The following BZW1 variants were observed in gnomAD, a reference collection of about 807,000 sequenced individuals.
The protein encoded by BZW1 is basic leucine zipper and W2 domains 1.
A neutral mutation model predicts 54.1 loss-of-function variants in BZW1; 3 were observed. The ratio of observed to expected loss-of-function variants is 0.06; its 90% CI spans 0.03 to 0.14. The LOEUF (loss-of-function observed/expected upper bound fraction) is 0.14. Among genes scored for constraint, BZW1 ranks in the 10% least tolerant of loss-of-function variants. The probability of loss-of-function intolerance (pLI) is 1.00; values close to 1 mark genes in which losing one functional copy is unlikely to be tolerated. For synonymous variants in BZW1, 152 were observed against 162.7 expected (o/e 0.93, Z 0.50); for missense variants, 206 against 491.7 (o/e 0.42, Z 5.50).
At chr2:200,818,154 A>C (rs2038361988) in intron 7 of BZW1, 69 bp from the exon 8 acceptor site, 1 of 1,511,858 alleles carries the variant, frequency 6.6e-7, no homozygotes, top group African/African-American at 1.4e-5. Context: ...CATTTTTAAG[A>C]CTGTGAAAAG....
chr2:200,814,314 G>A (rs1170649151), intron 2 of BZW1, among the ~76,000 whole-genome samples: 1 of 152,152 alleles, frequency 6.6e-6, no homozygotes, highest in Non-Finnish European at 1.5e-5. Flanking sequence ...GAGATGATTC[G>A]TGGCCTGGCT....
At position 200,817,984 on chromosome 2, in the gene BZW1, A is replaced by G; in HGVS notation, c.549A>G (p.Ala183=). 2.6e-6 allele frequency: 4 copies of G among 1,547,138 alleles called. No homozygotes were observed. The highest frequency in any genetic ancestry group is 2.6e-6 in the Non-Finnish European group (3 of 1,144,910). The change falls in exon 7 of 12, where the codon GCA becomes GCG. Residue 183 remains alanine (A), a synonymous_variant. Coordinates refer to ENST00000409600, the MANE Select transcript of BZW1 (RefSeq NM_001207067.2). ...NENLVKEGVS[A]AFAVKLFKSW... ...TATTTTCTTTTACAGGAGTTTCAGCAGCTTTTGCTGTGAAGCTCTTTAAAT... is the reference window on the plus strand; with the variant it reads ...TATTTTCTTTTACAGGAGTTTCAGCGGCTTTTGCTGTGAAGCTCTTTAAAT...
intron 9 of BZW1, 39 bp from the exon 10 acceptor site, chr2:200,819,943 G>A: frequency 6.9e-7 from 1 of 1,456,792 alleles, no homozygotes; most frequent in Non-Finnish European, 9.1e-7. Flanking sequence ...ATGGTTATTT[G>A]TAATGAATGA....
At chr2:200,819,333 G>C (rs1214735894) in intron 9 of BZW1, among the ~76,000 whole-genome samples, 1 of 152,082 alleles carries the variant, frequency 6.6e-6, no homozygotes, top group Non-Finnish European at 1.5e-5. Context: ...AGACTGCAGT[G>C]AGCTTATGAT....
chr2:200,813,315 C>T (rs988932477), intron 2 of BZW1, 34 bp downstream of exon 2: 9 of 1,555,378 alleles, frequency 5.8e-6, no homozygotes, highest in Middle Eastern at 1.8e-4. Flanking sequence ...TCTCTTCAAA[C>T]CTCCAGAACA....
intron 9 of BZW1, among the ~76,000 whole-genome samples, chr2:200,819,288 G>T (rs949628780): frequency 6.6e-6 from 1 of 152,168 alleles, no homozygotes; most frequent in Non-Finnish European, 1.5e-5. Context: ...TACTCAGGAG[G>T]CTGAGGCAGA....
chr2:200,817,643 T>C (rs916339215), intron 6 of BZW1, among the ~76,000 whole-genome samples: 2 of 19,622 alleles, frequency 1.0e-4, no homozygotes, highest in Non-Finnish European at 1.9e-4. Flanking sequence ...TTTTGAAGCT[T>C]TTTTTTTTTT....
Position 200,815,376 on chromosome 2 carries a change from G to A in BZW1, c.100G>A (p.Asp34Asn), listed in dbSNP as rs368021486. 1.9e-6 allele frequency: 3 copies of A among 1,613,730 alleles called. No individual in the cohort carries two copies. The highest frequency in any genetic ancestry group is 2.5e-6 in the Non-Finnish European group (3 of 1,179,832). Residue 34 changes from aspartate (D) to asparagine (N), a missense_variant, in exon 3 of 12, where the codon GAC becomes AAC. Around this residue, in one of 5 missense-constraint regions of BZW1, gnomAD observed 26 missense variants for 26.9 expected, o/e 0.97. Transcript: ENST00000409600. ...KERFDPTQFQ[D>N]CIIQGLTETG... ...GAGGTTTGACCCTACTCAGTTTCAAGACTGTATTATTCAAGGCTTAACTGA... is the reference window on the plus strand; with the variant it reads ...GAGGTTTGACCCTACTCAGTTTCAAAACTGTATTATTCAAGGCTTAACTGA...
intron 6 of BZW1, among the ~76,000 whole-genome samples, chr2:200,817,489 T>A (rs72927061): frequency 0.077 from 11,748 of 152,126 alleles, 553 homozygotes; most frequent in Middle Eastern, 0.13. Flanking sequence ...AAAAATAAAA[T>A]GAGAAATGCT....
intron 4 of BZW1, among the ~76,000 whole-genome samples, chr2:200,816,064 C>T (rs1004344885): frequency 2.0e-5 from 3 of 152,174 alleles, no homozygotes; most frequent in African/African-American, 7.2e-5. Context: ...TATCTGCATA[C>T]ATTTATTTTT....
chr2:200,823,494 T>C lies in BZW1; in HGVS notation c.*1316T>C, dbSNP rs1327813842. 1 of 151,970 alleles carries C rather than the reference T, an allele frequency of 6.6e-6. No individual in the cohort carries two copies. The highest frequency in any genetic ancestry group is 1.9e-4 in the East Asian group (1 of 5,132). The allele number at this position is 151,970 out of a possible 1,614,324, so 9.4% of individuals were successfully genotyped here. A position where few individuals can be genotyped will look rare whatever the true frequency, so the allele number is the denominator to read the frequency against. The stretch of plus-strand genomic sequence containing the variant: ...TAAAAGTGAACATTTTGAAGGTTTT[T>C]AACTGGTGAAACTAGCCTGGAATAA... On this transcript the variant is annotated 3_prime_UTR_variant, in exon 12 of 12. Coordinates refer to ENST00000409600, the MANE Select transcript of BZW1 (RefSeq NM_001207067.2).
chr2:200,819,017 C>T (rs2038403610), intron 9 of BZW1, 116 bp downstream of exon 9: 1 of 1,187,926 alleles, frequency 8.4e-7, no homozygotes, highest in Non-Finnish European at 1.2e-6. Flanking sequence ...TAGGGATGGC[C>T]CACCAGTAAA....
chr2:200,813,441 A>ACTG, intron 2 of BZW1, 160 bp downstream of exon 2: 1 of 616,146 alleles, frequency 1.6e-6, no homozygotes, highest in South Asian at 2.1e-5. Context: ...CACCTTTAAT[A>ACTG]TTTCTACTGC....
rs2038645023 is a variant in BZW1 at position 200,824,690 on chromosome 2, T to C, written c.*2512T>C. The C allele has an allele frequency of 6.7e-6, 1 of 149,392 alleles. No homozygotes were observed. The highest frequency in any genetic ancestry group is 2.5e-5 in the African/African-American group (1 of 40,516). The allele number at this position is 149,392 out of a possible 1,614,324, so 9.3% of individuals were successfully genotyped here. On this transcript the variant is annotated 3_prime_UTR_variant, in exon 12 of 12. Transcript: ENST00000409600. ...TTTTAGGCTTTTTTTTTTTTTTTTT[T>C]GAGACGGAGTCTCGCTCTGTCACCA...
chr2:200,820,683 CAA>C (rs1176605993), intron 10 of BZW1, among the ~76,000 whole-genome samples: 1 of 144,086 alleles, frequency 6.9e-6, no homozygotes. Flanking sequence ...GACCCTGTTT[CAA>C]AAAAAAAAAA....
chr2:200,821,410 G>A, intron 11 of BZW1, 105 bp downstream of exon 11: 1 of 1,387,464 alleles, frequency 7.2e-7, no homozygotes, highest in Non-Finnish European at 9.7e-7. Flanking sequence ...TTTGTACCTG[G>A]AGTAGAGATT....
chr2:200,819,130 G>A (rs115798498), intron 9 of BZW1: 24,826 of 493,394 alleles, frequency 0.05, 780 homozygotes, highest in South Asian at 0.069. Flanking sequence ...AATGGCTCAC[G>A]CCTGTAAACC....
chr2:200,812,782 A>C (rs901595567), intron 1 of BZW1: 14 of 703,540 alleles, frequency 2.0e-5, no homozygotes, highest in Non-Finnish European at 3.4e-5. Flanking sequence ...GAAGGGGTTC[A>C]CCTTTTGACA....
At chr2:200,816,300 T>G in intron 4 of BZW1, 25 bp from the exon 5 acceptor site, 1 of 1,519,430 alleles carries the variant, frequency 6.6e-7, no homozygotes, top group Non-Finnish European at 9.0e-7. Flanking sequence ...ATGAAGTTAC[T>G]GAATTCATTT....
Sources: allele counts gnomAD v4.1 joint callset (sites outside exome capture counted in the v4.1 genomes callset), GRCh38; gene constraint gnomAD v4.1.1; regional missense constraint gnomAD v4.1.1; transcripts MANE v1.5; gene names NCBI Gene and HGNC (gene_info 2026-07-23, HGNC 2026-07-21).